Variants in TOR1AIP2 observed in about 807,000 individuals in gnomAD.
TOR1AIP2 encodes the protein torsin-1A-interacting protein 2.
A neutral mutation model predicts 32.6 loss-of-function variants in TOR1AIP2; 20 were observed. The ratio of observed to expected loss-of-function variants is 0.61; its 90% confidence interval spans 0.43 to 0.89. The LOEUF is 0.89. TOR1AIP2 is among the 40% of genes least tolerant of loss of function. The probability of loss-of-function intolerance (pLI) is 0.00; values close to 1 mark genes in which losing one functional copy is unlikely to be tolerated. For missense variants in TOR1AIP2, 456 were observed against 553.8 expected (o/e 0.82, Z 1.77); for synonymous variants, 214 against 210.8 (o/e 1.02, Z -0.13).
intron 3 of TOR1AIP2, among the ~76,000 whole-genome samples, chr1:179,858,417 C>A (rs1436759511): frequency 1.3e-5 from 2 of 151,768 alleles, no homozygotes; most frequent in African/African-American, 4.9e-5. Flanking sequence ...GTCAACTGTA[C>A]ACATAAAGTT....
At chr1:179,865,321 T>C in intron 3 of TOR1AIP2, 115 bp downstream of exon 3, 1 of 1,100,276 alleles carries the variant, frequency 9.1e-7, no homozygotes, top group Non-Finnish European at 1.3e-6. Flanking sequence ...CCAAATAAAC[T>C]TGGCTTGCAC....
intron 3 of TOR1AIP2, chr1:179,861,638 G>C: frequency 1.0e-6 from 1 of 985,358 alleles, no homozygotes; most frequent in Non-Finnish European, 1.2e-6. Context: ...GCTGAGTTAT[G>C]ACCTAAATTA....
At chr1:179,876,252 G>C (rs1647297969) in intron 2 of TOR1AIP2, 1 of 152,110 alleles carries the variant, frequency 6.6e-6, no homozygotes, top group Non-Finnish European at 1.5e-5. Context: ...GCAAAAATAA[G>C]TTATATACAA....
At position 179,846,700 on chromosome 1, in the gene TOR1AIP2, A is replaced by T; in HGVS notation, c.784T>A (p.Leu262Met). ...CTCTGGCCTGGAAATTTATCTTCCA[A>T]TTGGCTAAACTGGGCCAAAAAGGCC... ...LEAFLAQFSQ[L>M]EDKFPGQSSF... Residue 262 changes from leucine to methionine, a missense_variant, in exon 7 of 7, where the codon TTG (leucine) becomes ATG (methionine). Leu to Met is a conservative substitution (Grantham distance 15, BLOSUM62 2). Coordinates refer to ENST00000609928, the MANE Select transcript of TOR1AIP2 (RefSeq NM_001199260.2). 1 of 1,614,168 alleles carries T rather than the reference A, an allele frequency of 6.2e-7. No individual in the cohort carries two copies. The highest frequency in any genetic ancestry group is 1.1e-5 in the South Asian group (1 of 91,082).
rs1237908062 is a variant in TOR1AIP2, at chr1:179,851,173, T to G, written c.225A>C (p.Glu75Asp). 6.2e-7 allele frequency: 1 copy of G among 1,614,172 alleles called. No individual in the cohort carries two copies. Among genetic ancestry groups the G allele is most frequent in the South Asian group, 1.1e-5 (1 of 91,084 alleles). ...DTGDKSESPD[E>D]ANVGKHPKDK... ...CCTTTGGATGTTTCCCCACATTTGC[T>G]TCATCTGGACTTTCTGATTTATCAC... Residue 75 changes from glutamate to aspartate, a missense_variant, in exon 5 of 7, where the codon GAA becomes GAC. Coordinates refer to ENST00000609928, the MANE Select transcript of TOR1AIP2 (RefSeq NM_001199260.2).
At chr1:179,868,426 G>A (rs909107502) in intron 2 of TOR1AIP2, 4 of 152,180 alleles carry the variant, frequency 2.6e-5, no homozygotes, top group Admixed American at 6.5e-5. Context: ...AAAATAAAAT[G>A]TAACTTGAAT....
In TOR1AIP2 at chr1:179,872,707, C is replaced by A. The variant is rs187771360; in HGVS notation, c.-566+4532G>T. 2.3e-4 allele frequency among the ~76,000 whole-genome samples: 35 copies of A among 152,286 alleles called. 1 individual carries two copies. The East Asian group carries it at 6.6e-3, about 29-fold the overall frequency. On this transcript the variant is annotated intron_variant, in intron 2 of 6. Transcript: ENST00000609928. ...ACTTACCCTTTTTCATACTCCCTCC[C>A]AACTCCTTTGACTTGTATCTCTAGT...
chr1:179,846,647 C>A lies in TOR1AIP2; in HGVS notation c.837G>T (p.Lys279Asn). The change falls in exon 7 of 7, where the codon AAG becomes AAT. Residue 279 changes from lysine to asparagine, a missense_variant. By Grantham distance (94) the Lys-to-Asn change is moderately conservative (BLOSUM62 0). Coordinates refer to ENST00000609928, the MANE Select transcript of TOR1AIP2 (RefSeq NM_001199260.2). ...AAGCATTGAGGTGCTTCTGGAGAAA[C>A]TTCCGTCCTCTCTGCCACAGGAAGG... is the stretch of plus-strand genomic sequence containing the variant. ...QSSFLWQRGR[K>N]FLQKHLNASN... 1.2e-6 allele frequency: 2 copies of A among 1,614,138 alleles called. No homozygotes were observed.
rs1696169467 is a variant in TOR1AIP2, at chr1:179,852,888, A to T, written c.-146-77T>A. ...AATGCAAGTATCAGCTTTATTTATTAAATATGTGTAGCTTGAGTACTATTT... is the reference window on the plus strand; with the variant it reads ...AATGCAAGTATCAGCTTTATTTATTTAATATGTGTAGCTTGAGTACTATTT... On this transcript the variant is annotated intron_variant, in intron 3 of 6. Coordinates refer to ENST00000609928, the MANE Select transcript of TOR1AIP2 (RefSeq NM_001199260.2). 4.5e-6 allele frequency: 5 copies of T among 1,101,738 alleles called. No individual in the cohort carries two copies. The South Asian group carries it at 1.3e-4, about 29-fold the overall frequency. 68.2% of individuals were successfully genotyped at this position (1,101,738 alleles called of 1,614,324 possible).
At chr1:179,850,575 CATT>C (rs1168581477) in intron 5 of TOR1AIP2, among the ~76,000 whole-genome samples, 1 of 152,210 alleles carries the variant, frequency 6.6e-6, no homozygotes, top group Non-Finnish European at 1.5e-5. Context: ...TGTCATATCA[CATT>C]AATATAAACA....
chr1:179,859,332 T>C (rs1040905654), intron 3 of TOR1AIP2: 27 of 889,990 alleles, frequency 3.0e-5, no homozygotes, highest in Non-Finnish European at 3.5e-5. Context: ...GAAACTGAGA[T>C]ACAGAAAAGT....
chr1:179,858,747 AAAATCAG>A (rs1002066612), intron 3 of TOR1AIP2, among the ~76,000 whole-genome samples: 15 of 152,200 alleles, frequency 9.9e-5, no homozygotes, highest in Non-Finnish European at 1.8e-4. Context: ...CTGTGAGAAC[AAAATCAG>A]AGCTGGGAGA....
At position 179,846,771 on chromosome 1, in the gene TOR1AIP2, T is replaced by C. The variant is rs556184602; in HGVS notation, c.713A>G (p.Tyr238Cys). ...CACTTGCTGGGCTGGAGAGGAATAG[T>C]AGCTATTCACAGAACTTGCCACAAC... ...VAVVASSVNS[Y>C]YSSPAQQVPK... Residue 238 changes from tyrosine to cysteine, a missense_variant, in exon 7 of 7, where the codon TAC (tyrosine) becomes TGC (cysteine). Coordinates refer to ENST00000609928, the MANE Select transcript of TOR1AIP2 (RefSeq NM_001199260.2). 1.9e-6 allele frequency: 3 copies of C among 1,613,464 alleles called. No homozygotes were observed. In the East Asian group the frequency reaches 6.7e-5, roughly 36 times the overall value.
At position 179,850,805 on chromosome 1, in the gene TOR1AIP2, G is replaced by A. The variant is rs752389847; in HGVS notation, c.553+40C>T. Reference sequence around the variant, plus strand: ...TTCTGCTGTGTTCTCAGTTAACAGAGCAGTACAAAACAGGAGAGTAGTTCA... The same window carrying A: ...TTCTGCTGTGTTCTCAGTTAACAGAACAGTACAAAACAGGAGAGTAGTTCA... On this transcript the variant is annotated intron_variant, in intron 5 of 6. Transcript: ENST00000609928. The A allele has an allele frequency of 5.1e-6, 8 of 1,580,652 alleles. No individual in the cohort carries two copies. In the South Asian group the frequency reaches 9.3e-5, roughly 18 times the overall value.
chr1:179,863,760 T>C, intron 3 of TOR1AIP2: 1 of 984,778 alleles, frequency 1.0e-6, no homozygotes, highest in Non-Finnish European at 1.2e-6. Context: ...ATAATATTGC[T>C]AAAAGCACTA....
chr1:179,861,640 C>T (rs1696536525), intron 3 of TOR1AIP2: 1 of 985,374 alleles, frequency 1.0e-6, no homozygotes. Context: ...TGAGTTATGA[C>T]CTAAATTATT....
At chr1:179,857,033 TG>T (rs781751332) in intron 3 of TOR1AIP2, among the ~76,000 whole-genome samples, 1 of 152,222 alleles carries the variant, frequency 6.6e-6, no homozygotes, top group Non-Finnish European at 1.5e-5. Context: ...ATGCAGTAGC[TG>T]GAGACTTTCT....
chr1:179,856,171 C>T (rs1696294445), intron 3 of TOR1AIP2, among the ~76,000 whole-genome samples: 1 of 151,938 alleles, frequency 6.6e-6, no homozygotes, highest in South Asian at 2.1e-4. Context: ...AAAACTCCGT[C>T]TCAAAAAAGA....
intron 3 of TOR1AIP2, chr1:179,859,194 A>T (rs1696418710): frequency 1.0e-6 from 1 of 983,500 alleles, no homozygotes; most frequent in Non-Finnish European, 1.2e-6. Context: ...AACAACTATA[A>T]GAACTACTAT....
Sources: gnomAD v4.1 joint callset for allele counts (sites outside exome capture counted in the v4.1 genomes callset) on GRCh38, gnomAD v4.1.1 for gene constraint, MANE v1.5 for transcripts, NCBI Gene and HGNC (gene_info 2026-07-23, HGNC 2026-07-21) for gene names.